Variants in PARD3 observed in about 807,000 individuals in gnomAD.
PARD3 encodes the protein par-3 family cell polarity regulator, also known as partitioning defective 3 homolog.
PARD3 carries 75 observed loss-of-function variants against 155.4 expected under a neutral mutation model. The observed-to-expected ratio is 0.48, with a 90% CI of 0.40 to 0.58. The LOEUF (loss-of-function observed/expected upper bound fraction) is 0.58. Among genes scored for constraint, PARD3 ranks in the 20% least tolerant of loss-of-function variants. The pLI is 0.00. For missense variants in PARD3, 1,642 were observed against 1,721.7 expected (o/e 0.95, Z 0.82); for synonymous variants, 576 against 610.5 (o/e 0.94, Z 0.83).
At chr10:34,802,014 T>C (rs1237508762) in intron 1 of PARD3, among the ~76,000 whole-genome samples, 1 of 152,240 alleles carries the variant, frequency 6.6e-6, no homozygotes, top group Non-Finnish European at 1.5e-5. Context: ...TTAAAAGTAT[T>C]TTTAATGAAA....
rs76814054 is a variant in PARD3, at chr10:34,217,943, G to A, written c.3419+51714C>T. On this transcript the variant is annotated intron_variant, in intron 22 of 24. Transcript: ENST00000374788. Reference sequence around the variant, plus strand: ...TAATGAAGTCATGAAGAGTGACAGTGGGAACTGGACACATTGGGGGGCAGG... The same window carrying A: ...TAATGAAGTCATGAAGAGTGACAGTAGGAACTGGACACATTGGGGGGCAGG... Among the ~76,000 whole-genome samples, 45 of 152,254 alleles carry A rather than the reference G, an allele frequency of 3.0e-4. No homozygotes were observed. The East Asian group carries it at 8.5e-3, about 29-fold the overall frequency.
intron 1 of PARD3, among the ~76,000 whole-genome samples, chr10:34,804,226 G>A (rs1194741390): frequency 6.6e-6 from 1 of 152,032 alleles, no homozygotes; most frequent in African/African-American, 2.4e-5. Flanking sequence ...TAATAGAGAT[G>A]GGGTTTTGTC....
chr10:34,416,020 C>A (rs908356992), intron 5 of PARD3, among the ~76,000 whole-genome samples: 7 of 152,116 alleles, frequency 4.6e-5, no homozygotes, highest in African/African-American at 1.7e-4. Flanking sequence ...TGTTCCTATT[C>A]TAGGAATAGA....
intron 2 of PARD3, among the ~76,000 whole-genome samples, chr10:34,647,900 C>T (rs1387226649): frequency 6.6e-6 from 1 of 152,150 alleles, no homozygotes. Context: ...AGTGCTGCTT[C>T]CTGGGCCCAA....
chr10:34,593,314 T>C (rs1412025079), intron 2 of PARD3, among the ~76,000 whole-genome samples: 2 of 152,200 alleles, frequency 1.3e-5, no homozygotes, highest in African/African-American at 2.4e-5. Context: ...TATATGCATA[T>C]ACATTTAAAG....
intron 4 of PARD3, among the ~76,000 whole-genome samples, chr10:34,456,216 CAG>C (rs1162131317): frequency 6.6e-6 from 1 of 152,152 alleles, no homozygotes; most frequent in Non-Finnish European, 1.5e-5. Flanking sequence ...GGTCAGAATC[CAG>C]AGATTTTGAA....
chr10:34,352,652 T>A (rs954119965), intron 14 of PARD3, among the ~76,000 whole-genome samples: 5 of 152,208 alleles, frequency 3.3e-5, no homozygotes, highest in African/African-American at 1.2e-4. Context: ...CAGTGCTCAA[T>A]CTTGCCCAGG....
intron 22 of PARD3, among the ~76,000 whole-genome samples, chr10:34,144,530 T>C (rs918733193): frequency 2.0e-5 from 3 of 152,186 alleles, no homozygotes; most frequent in Non-Finnish European, 4.4e-5. Flanking sequence ...TATGAATCTA[T>C]TACACAAAGC....
chr10:34,740,602 G>A (rs538426669), intron 1 of PARD3, among the ~76,000 whole-genome samples: 2 of 150,936 alleles, frequency 1.3e-5, no homozygotes, highest in Non-Finnish European at 2.9e-5. Context: ...CCTCCTACCT[G>A]TCAGCTCCCA....
chr10:34,197,858 C>T (rs562741573), intron 22 of PARD3, among the ~76,000 whole-genome samples: 4 of 152,168 alleles, frequency 2.6e-5, no homozygotes, highest in Non-Finnish European at 5.9e-5. Context: ...GCCTCCCGAG[C>T]AGCGGGGACT....
At chr10:34,167,980 T>C (rs1336116402) in intron 22 of PARD3, among the ~76,000 whole-genome samples, 1 of 152,000 alleles carries the variant, frequency 6.6e-6, no homozygotes, top group Non-Finnish European at 1.5e-5. Context: ...TTCCCAGGGG[T>C]GCAAGAGGGT....
chr10:34,181,454 C>T lies in PARD3; in HGVS notation c.3420-49871G>A, dbSNP rs143722142. ...AGGGATGATGATATTAATTTTTAGT[C>T]TCAGAATTTCCCTACCAAGCCATAT... On this transcript the variant is annotated intron_variant, in intron 22 of 24. Coordinates refer to ENST00000374788, the MANE Select transcript of PARD3 (RefSeq NM_001184785.2). 1.4e-3 allele frequency among the ~76,000 whole-genome samples: 213 copies of T among 152,212 alleles called. 1 individual carries two copies. The highest frequency in any genetic ancestry group is 4.8e-3 in the African/African-American group (199 of 41,524).
chr10:34,132,248 A>G (rs1488735479), intron 22 of PARD3, among the ~76,000 whole-genome samples: 2 of 152,220 alleles, frequency 1.3e-5, no homozygotes, highest in African/African-American at 4.8e-5. Context: ...TTCTTTTTGT[A>G]TAGTATTGAA....
rs1257987272 is a variant in PARD3, at chr10:34,378,045, T to C, written c.1461A>G (p.Pro487=). Residue 487 remains proline, a synonymous_variant, in exon 10 of 25, where the codon CCA becomes CCG. Coordinates refer to ENST00000374788, the MANE Select transcript of PARD3 (RefSeq NM_001184785.2). ...GGGGGAGAATGTTTTTCACATAGATTGGAGCTGAGCCACCTATTGTTACAT... is the reference window on the plus strand; with the variant it reads ...GGGGGAGAATGTTTTTCACATAGATCGGAGCTGAGCCACCTATTGTTACAT... The part of the protein sequence containing the change: ...SRDVTIGGSA[P]IYVKNILPRG... 38 of 1,596,852 alleles carry C rather than the reference T, an allele frequency of 2.4e-5. No homozygotes were observed. The highest frequency in any genetic ancestry group is 3.2e-5 in the Non-Finnish European group (38 of 1,173,098).
intron 2 of PARD3, chr10:34,675,537 C>T (rs1478179681): frequency 6.6e-6 from 1 of 152,110 alleles, no homozygotes; most frequent in Non-Finnish European, 1.5e-5. Flanking sequence ...CAGAAAACTC[C>T]CCAATATGAT....
intron 22 of PARD3, among the ~76,000 whole-genome samples, chr10:34,240,502 A>G (rs781012400): frequency 2.6e-5 from 4 of 152,160 alleles, no homozygotes; most frequent in Admixed American, 6.5e-5. Context: ...TTTGTATTCA[A>G]TGATAACAAT....
intron 3 of PARD3, among the ~76,000 whole-genome samples, chr10:34,516,106 A>G (rs536867487): frequency 1.3e-5 from 2 of 152,172 alleles, no homozygotes; most frequent in South Asian, 2.1e-4. Flanking sequence ...CTGGGATTAC[A>G]GGCAACCGCC....
chr10:34,413,144 T>TACACACACAC (rs146779470), intron 5 of PARD3, among the ~76,000 whole-genome samples: 7 of 145,882 alleles, frequency 4.8e-5, no homozygotes, highest in East Asian at 2.0e-4. Context: ...CAGATATATA[T>TACACACACAC]ACACACACAC....
chr10:34,131,403 T>C, intron 23 of PARD3, 60 bp downstream of exon 23: 5 of 1,600,284 alleles, frequency 3.1e-6, no homozygotes, highest in Non-Finnish European at 3.4e-6. Flanking sequence ...CATAGCTTAG[T>C]GGCCTTTGCT....
Sources: allele counts gnomAD v4.1 joint callset (sites outside exome capture counted in the v4.1 genomes callset), GRCh38; gene constraint gnomAD v4.1.1; transcripts MANE v1.5; gene names NCBI Gene and HGNC (gene_info 2026-07-23, HGNC 2026-07-21).